Variants in KANK1 observed in about 807,000 individuals in gnomAD.
KANK1 encodes the protein KN motif and ankyrin repeat domain-containing protein 1.
KANK1 carries 109 observed loss-of-function variants against 106.2 expected under a neutral mutation model. The ratio of observed to expected loss-of-function variants is 1.03; its 90% CI spans 0.88 to 1.20. The LOEUF (loss-of-function observed/expected upper bound fraction) is 1.20. Among genes scored for constraint, KANK1 ranks in the 50% most tolerant of loss-of-function variants. The pLI, the probability that KANK1 is intolerant of heterozygous loss-of-function variation, is 0.00. For missense variants in KANK1, 2,399 were observed against 1,710.7 expected (o/e 1.40, Z -7.10); for synonymous variants, 873 against 652.2 (o/e 1.34, Z -5.16).
chr9:535,538 C>A (rs2060257733), intron 1 of KANK1, among the ~76,000 whole-genome samples: 1 of 152,110 alleles, frequency 6.6e-6, no homozygotes, highest in African/African-American at 2.4e-5. Flanking sequence ...GGTGGTCTGC[C>A]CCAGGTCACA....
intron 1 of KANK1, chr9:549,799 C>A (rs2061162873): frequency 6.6e-6 from 1 of 152,264 alleles, no homozygotes; most frequent in Admixed American, 6.5e-5. Context: ...AATCCTCACG[C>A]AGGTGGCGGT....
upstream of KANK1, among the ~76,000 whole-genome samples, chr9:503,779 G>A (rs1452878491): frequency 6.6e-6 from 1 of 152,182 alleles, no homozygotes; most frequent in Non-Finnish European, 1.5e-5. Context: ...AAAGACTGAA[G>A]TCACAGCTTC....
intron 3 of KANK1, among the ~76,000 whole-genome samples, chr9:488,684 G>A (rs1366746790): frequency 6.6e-6 from 1 of 152,204 alleles, no homozygotes; most frequent in East Asian, 1.9e-4. Context: ...TGACTGTCTT[G>A]TAAGAGTCAA....
chr9:489,614 T>G (rs1196018030), intron 3 of KANK1, among the ~76,000 whole-genome samples: 1 of 152,208 alleles, frequency 6.6e-6, no homozygotes, highest in East Asian at 1.9e-4. Context: ...CTTAGCAGAT[T>G]GCTTAACTTC....
At chr9:617,153 A>G (rs1276272288) in intron 1 of KANK1, among the ~76,000 whole-genome samples, 4 of 152,148 alleles carry the variant, frequency 2.6e-5, no homozygotes, top group African/African-American at 9.7e-5. Context: ...ATGTCTAATA[A>G]AATATAATAA....
intron 1 of KANK1, among the ~76,000 whole-genome samples, chr9:568,414 G>T (rs1305696687): frequency 1.3e-5 from 2 of 152,124 alleles, no homozygotes; most frequent in African/African-American, 4.8e-5. Context: ...CAGTAGTGAG[G>T]CAGTGGATGT....
chr9:710,485 G>A (rs147319114), intron 2 of KANK1, among the ~76,000 whole-genome samples: 81 of 152,060 alleles, frequency 5.3e-4, no homozygotes, highest in Non-Finnish European at 1.0e-3. Context: ...AGGCGTGGTG[G>A]TGCACCCCTG....
In KANK1 at chr9:623,627, A is replaced by G. The variant is rs550110301; in HGVS notation, c.-83-53263A>G. On this transcript the variant is annotated intron_variant, in intron 1 of 11. Coordinates refer to ENST00000382297, the MANE Select transcript of KANK1 (RefSeq NM_015158.5). ...CTCAAAAAAAAAAAAGAAAAAGAAA[A>G]AAAAAAGAAAAATGGTGCTTGACAT... Among the ~76,000 whole-genome samples, 177 of 152,206 alleles carry G rather than the reference A, an allele frequency of 1.2e-3. 1 individual carries two copies. The highest frequency in any genetic ancestry group is 4.0e-3 in the African/African-American group (167 of 41,542).
intron 1 of KANK1, among the ~76,000 whole-genome samples, chr9:592,484 C>A (rs1588088271): frequency 1.4e-5 from 1 of 71,202 alleles, no homozygotes; most frequent in Non-Finnish European, 2.8e-5. Flanking sequence ...GCACCCCGAT[C>A]CCCTAGTCCG....
intron 3 of KANK1, among the ~76,000 whole-genome samples, chr9:474,534 T>C (rs1245071446): frequency 6.6e-6 from 1 of 152,232 alleles, no homozygotes; most frequent in Non-Finnish European, 1.5e-5. Flanking sequence ...TTTTATTTGA[T>C]GAACAAAAGA....
chr9:518,372 T>TC (rs1473618694), intron 1 of KANK1, among the ~76,000 whole-genome samples: 5 of 151,522 alleles, frequency 3.3e-5, no homozygotes, highest in African/African-American at 1.2e-4. Flanking sequence ...ATCCCGAGCC[T>TC]CCCCTTCTCC....
chr9:740,985 A>G, intron 9 of KANK1, 51 bp downstream of exon 9: 1 of 1,599,594 alleles, frequency 6.3e-7, no homozygotes, highest in Non-Finnish European at 8.5e-7. Context: ...ACCAGCAGAC[A>G]GGACTGCGGT....
At chr9:686,416 G>A (rs1373698957) in intron 2 of KANK1, among the ~76,000 whole-genome samples, 4 of 152,188 alleles carry the variant, frequency 2.6e-5, no homozygotes, top group African/African-American at 4.8e-5. Flanking sequence ...CTGAGCTTAT[G>A]CAGCATGTAC....
chr9:576,020 C>A (rs1347709059), intron 1 of KANK1, among the ~76,000 whole-genome samples: 1 of 152,180 alleles, frequency 6.6e-6, no homozygotes, highest in Non-Finnish European at 1.5e-5. Context: ...GCAACTGCAT[C>A]TCAAAACAAA....
chr9:624,510 A>G (rs564709054), intron 1 of KANK1, among the ~76,000 whole-genome samples: 2 of 152,280 alleles, frequency 1.3e-5, no homozygotes, highest in African/African-American at 4.8e-5. Context: ...ATTAAAAACA[A>G]TGATGAAAAC....
intron 7 of KANK1, chr9:735,666 C>G: frequency 2.9e-6 from 1 of 345,688 alleles, no homozygotes; most frequent in Non-Finnish European, 6.4e-6. Context: ...ACTTTAAATT[C>G]TGCCATATAT....
intron 2 of KANK1, among the ~76,000 whole-genome samples, chr9:692,227 A>G (rs1206349016): frequency 6.6e-6 from 1 of 152,132 alleles, no homozygotes; most frequent in Non-Finnish European, 1.5e-5. Flanking sequence ...CTCATCTCCT[A>G]CTGGTGACCA....
At chr9:575,508 G>GAAA (rs36033779) in intron 1 of KANK1, among the ~76,000 whole-genome samples, 2 of 128,326 alleles carry the variant, frequency 1.6e-5, no homozygotes, top group African/African-American at 5.9e-5. Flanking sequence ...TCTCTACAGG[G>GAAA]AAAAAAAAAA....
At chr9:743,102 C>T (rs10815598) in intron 10 of KANK1, among the ~76,000 whole-genome samples, 46,447 of 152,036 alleles carry the variant, frequency 0.31, 7,986 homozygotes, top group East Asian at 0.39. Context: ...TAGGAACTGG[C>T]ATGTAGGCAG....
Sources: gnomAD v4.1 joint callset for allele counts (sites outside exome capture counted in the v4.1 genomes callset) on GRCh38, gnomAD v4.1.1 for gene constraint, MANE v1.5 for transcripts, NCBI Gene and HGNC (gene_info 2026-07-23, HGNC 2026-07-21) for gene names.